The following DMXL2 variants were observed in gnomAD, a reference collection of about 807,000 sequenced individuals.
DMXL2 encodes Dmx like 2, also known as dmX-like protein 2.
DMXL2 carries 103 observed loss-of-function variants against 331.1 expected under a neutral mutation model. The observed-to-expected ratio is 0.31, with a 90% CI of 0.27 to 0.37. The LOEUF (loss-of-function observed/expected upper bound fraction) is 0.37, where lower values mean the gene tolerates loss of function less well. DMXL2 is among the 10% of genes least tolerant of loss of function. The pLI is 1.00. For missense variants in DMXL2, 3,171 were observed against 3,642.9 expected (o/e 0.87, Z 3.33); for synonymous variants, 1,281 against 1,252.1 (o/e 1.02, Z -0.49).
At chr15:51,587,376 T>A (rs1595630414) in intron 1 of DMXL2, among the ~76,000 whole-genome samples, 1 of 151,784 alleles carries the variant, frequency 6.6e-6, no homozygotes, top group Admixed American at 6.6e-5. Context: ...TGTCCATGTG[T>A]TGTCATTGTT....
intron 15 of DMXL2, among the ~76,000 whole-genome samples, chr15:51,511,597 A>G (rs1325897616): frequency 6.6e-5 from 10 of 152,166 alleles, no homozygotes; most frequent in Admixed American, 6.5e-4. Flanking sequence ...TGGTGGGAGT[A>G]TAAATTAGTT....
At chr15:51,576,265 T>C (rs2051036431) in intron 1 of DMXL2, 84 bp from the exon 2 acceptor site, 5 of 1,051,606 alleles carry the variant, frequency 4.8e-6, no homozygotes, top group Non-Finnish European at 6.4e-6. Context: ...TTATCTTAGA[T>C]TTTATTGCCA....
rs752442992 is a variant in DMXL2 at position 51,536,344 on chromosome 15, A to C, written c.2136T>G (p.Thr712=). The C allele has an allele frequency of 6.6e-5, 107 of 1,613,958 alleles. No individual in the cohort carries two copies. The highest frequency in any genetic ancestry group is 8.9e-5 in the East Asian group (4 of 44,876). ...TTGCATTTGGGTCATGAAATGTACGAGTTGCTGCATTTCTAAGAGGTTGTT... is the reference window on the plus strand; with the variant it reads ...TTGCATTTGGGTCATGAAATGTACGCGTTGCTGCATTTCTAAGAGGTTGTT... The part of the protein sequence containing the change: ...SSKQPLRNAA[T]RTFHDPNAIY... The change falls in exon 12 of 44, where the codon ACT becomes ACG. Residue 712 remains threonine (T), a synonymous_variant. Transcript: ENST00000560891.
chr15:51,502,701 T>G, intron 17 of DMXL2, 105 bp downstream of exon 17: 1 of 733,466 alleles, frequency 1.4e-6, no homozygotes, highest in South Asian at 1.8e-5. Context: ...TATTTTAATG[T>G]CAACATAGAA....
intron 1 of DMXL2, among the ~76,000 whole-genome samples, chr15:51,598,132 T>C (rs2052960169): frequency 6.6e-6 from 1 of 152,200 alleles, no homozygotes; most frequent in African/African-American, 2.4e-5. Flanking sequence ...CAATCTATCA[T>C]TAATCTCCTT....
chr15:51,478,414 A>G, intron 25 of DMXL2, 67 bp from the exon 26 acceptor site: 3 of 1,386,824 alleles, frequency 2.2e-6, no homozygotes, highest in Non-Finnish European at 3.0e-6. Flanking sequence ...TATTTCAAAA[A>G]TTAGAAAACA....
rs1297854454 is a variant in DMXL2, at chr15:51,545,769, A to G, written c.747-3T>C. 1.9e-6 allele frequency: 3 copies of G among 1,601,458 alleles called. No individual in the cohort carries two copies. Among genetic ancestry groups the G allele is most frequent in the Non-Finnish European group, 2.6e-6 (3 of 1,172,198 alleles). ...ACAACACATTACAGACAGAACCCCT[A>G]ACAACAAAGAGAAATAAATAAAGGT... On this transcript the variant is annotated splice_polypyrimidine_tract_variant and splice_region_variant and intron_variant, in intron 7 of 43. Transcript: ENST00000560891.
intron 41 of DMXL2, among the ~76,000 whole-genome samples, chr15:51,452,570 C>T (rs2039244054): frequency 6.6e-6 from 1 of 151,970 alleles, no homozygotes. Flanking sequence ...CAAGAATGGC[C>T]ATAATTAAAA....
Position 51,465,635 on chromosome 15 carries a change from A to C in DMXL2, c.7537T>G (p.Leu2513Val). ...PNSYSWALLH[L>V]TMVKLALHNV... ...TGAAGTGCTAGTTTAACCATTGTCA[A>C]ATGTAGAAGAGCCCAGCTGTTCAAG... The change falls in exon 31 of 44, where the codon TTG (leucine) becomes GTG (valine). Residue 2513 changes from leucine to valine, a missense_variant. Coordinates refer to ENST00000560891, the MANE Select transcript of DMXL2 (RefSeq NM_001378457.1). 2 of 1,601,652 alleles carry C rather than the reference A, an allele frequency of 1.2e-6. No homozygotes were observed. The highest frequency in any genetic ancestry group is 1.7e-6 in the Non-Finnish European group (2 of 1,175,726).
chr15:51,560,217 C>T (rs753661952), intron 6 of DMXL2, among the ~76,000 whole-genome samples: 3 of 152,050 alleles, frequency 2.0e-5, no homozygotes, highest in Non-Finnish European at 2.9e-5. Flanking sequence ...AATTAACTCA[C>T]TATATATTGT....
intron 19 of DMXL2, among the ~76,000 whole-genome samples, chr15:51,493,327 C>A (rs2042936726): frequency 6.6e-6 from 1 of 151,780 alleles, no homozygotes; most frequent in Non-Finnish European, 1.5e-5. Flanking sequence ...CATTCTATAT[C>A]CTTAAATTAA....
At chr15:51,500,252 T>TA in intron 17 of DMXL2, 21 bp from the exon 18 acceptor site, 2 of 1,557,336 alleles carry the variant, frequency 1.3e-6, no homozygotes, top group African/African-American at 2.8e-5. Flanking sequence ...AAAAAGCAAA[T>TA]AGTTAGTTGT....
intron 32 of DMXL2, 147 bp from the exon 33 acceptor site, chr15:51,463,643 C>A: frequency 1.9e-6 from 1 of 525,572 alleles, no homozygotes; most frequent in Non-Finnish European, 3.3e-6. Context: ...GAAGACACAG[C>A]ATTAAGCTCA....
intron 1 of DMXL2, among the ~76,000 whole-genome samples, chr15:51,614,538 T>A (rs1200567645): frequency 6.6e-6 from 1 of 152,224 alleles, no homozygotes; most frequent in Non-Finnish European, 1.5e-5. Flanking sequence ...CTATATTATA[T>A]CAAAGCTCTC....
rs765420026 is a variant in DMXL2, at chr15:51,498,848, T to C, written c.4376A>G (p.Gln1459Arg). 4.3e-6 allele frequency: 7 copies of C among 1,614,064 alleles called. No individual in the cohort carries two copies. Among genetic ancestry groups the C allele is most frequent in the Non-Finnish European group, 5.9e-6 (7 of 1,179,998 alleles). ...CTGATCCTCTGGTTGACTTACTGTCTGATCTTCATAGCTCTGTGGTATCTT... is the reference window on the plus strand; with the variant it reads ...CTGATCCTCTGGTTGACTTACTGTCCGATCTTCATAGCTCTGTGGTATCTT... ...STKIPQSYEDQTVSQPEDQYS... is the reference protein window; with the variant it reads ...STKIPQSYEDRTVSQPEDQYS... The change falls in exon 18 of 44, where the codon CAG (glutamine) becomes CGG (arginine). Residue 1459 changes from glutamine to arginine, a missense_variant. Gln to Arg is a conservative substitution (Grantham distance 43). This residue lies in a region of DMXL2 where 1,674 missense variants were observed against 1,780.2 expected (regional missense o/e 0.94). Coordinates refer to ENST00000560891, the MANE Select transcript of DMXL2 (RefSeq NM_001378457.1).
Position 51,453,786 on chromosome 15 carries a change from G to A in DMXL2, c.8605-145C>T, listed in dbSNP as rs2039371066. The A allele has an allele frequency of 4.7e-6, 3 of 634,384 alleles. No homozygotes were observed. In the South Asian group the frequency reaches 6.0e-5, roughly 13 times the overall value. The allele number at this position is 634,384 out of a possible 1,614,324, so 39.3% of individuals were successfully genotyped here. ...CTCGGTCTAGGATAAAAGAATAAGT[G>A]ATAGTATGAGGCTTAACTGTCATGT... On this transcript the variant is annotated intron_variant, in intron 40 of 43. Coordinates refer to ENST00000560891, the MANE Select transcript of DMXL2 (RefSeq NM_001378457.1).
rs1203644988 is a variant in DMXL2, at chr15:51,480,834, T to C, written c.6272A>G (p.Glu2091Gly). ...ACTGGAATACTCTTTAATAACTGAT[T>C]CATGATTACATATCTCATGCAAGGC... is the stretch of plus-strand genomic sequence containing the variant. ...IAALHEICNH[E>G]SVIKEYSSKT... is the part of the protein sequence containing the mutation. Residue 2091 changes from glutamate (E) to glycine (G), a missense_variant, in exon 24 of 44, where the codon GAA becomes GGA. Physicochemically the swap from Glu to Gly is moderately conservative, Grantham distance 98. Around this residue, in one of 7 missense-constraint regions of DMXL2, gnomAD observed 197 missense variants for 196.2 expected, o/e 1.00. Transcript: ENST00000560891. 6.2e-7 allele frequency: 1 copy of C among 1,612,762 alleles called. No homozygotes were observed. The highest frequency in any genetic ancestry group is 1.1e-5 in the South Asian group (1 of 90,796).
At chr15:51,542,734 G>C (rs2048671393) in intron 8 of DMXL2, among the ~76,000 whole-genome samples, 1 of 151,830 alleles carries the variant, frequency 6.6e-6, no homozygotes, top group South Asian at 2.1e-4. Context: ...CTTATTCATG[G>C]TATCTATAAA....
chr15:51,563,930 T>C (rs181021333), intron 5 of DMXL2, among the ~76,000 whole-genome samples, 195 bp downstream of exon 5: 8 of 152,188 alleles, frequency 5.3e-5, no homozygotes, highest in African/African-American at 9.6e-5. Flanking sequence ...AATACTTTCA[T>C]CCTTTTTTTA....
Sources: allele counts gnomAD v4.1 joint callset (sites outside exome capture counted in the v4.1 genomes callset), GRCh38; gene constraint gnomAD v4.1.1; regional missense constraint gnomAD v4.1.1; transcripts MANE v1.5; gene names NCBI Gene and HGNC (gene_info 2026-07-23, HGNC 2026-07-21).